Variants in FOCAD observed in about 807,000 individuals in gnomAD.
FOCAD encodes the protein KIAA1797.
A neutral mutation model predicts 225.6 loss-of-function variants in FOCAD; 198 were observed. That is an observed-to-expected ratio of 0.88 (90% CI 0.78 to 0.99). The LOEUF is 0.99. Among genes scored for constraint, FOCAD ranks in the 50% least tolerant of loss-of-function variants. The pLI is 0.00. For missense variants in FOCAD, 2,713 were observed against 2,123.6 expected (o/e 1.28, Z -5.46); for synonymous variants, 897 against 755.0 (o/e 1.19, Z -3.08).
upstream of FOCAD, among the ~76,000 whole-genome samples, chr9:20,656,177 G>T (rs1230297920): frequency 2.0e-5 from 3 of 149,852 alleles, no homozygotes; most frequent in Admixed American, 6.6e-5. Context: ...TACATTTGCT[G>T]AGGAGAGCTT....
intron 15 of FOCAD, among the ~76,000 whole-genome samples, chr9:20,831,669 G>A (rs947411168): frequency 3.9e-5 from 6 of 151,992 alleles, no homozygotes; most frequent in African/African-American, 1.4e-4. Flanking sequence ...TAGCTCACCT[G>A]TATGTTTCTT....
chr9:20,990,060 G>T, intron 41 of FOCAD, 63 bp from the exon 42 acceptor site: 5 of 1,594,952 alleles, frequency 3.1e-6, no homozygotes, highest in Non-Finnish European at 4.3e-6. Flanking sequence ...CTGTGTATGT[G>T]AACATGTGTT....
intron 26 of FOCAD, 151 bp from the exon 27 acceptor site, chr9:20,929,207 A>C: frequency 1.0e-5 from 6 of 594,492 alleles, no homozygotes; most frequent in Non-Finnish European, 1.2e-5. Context: ...TCTATAGACA[A>C]AAACGTTTGG....
chr9:20,909,019 A>G (rs1004081791), intron 22 of FOCAD, among the ~76,000 whole-genome samples: 4 of 152,010 alleles, frequency 2.6e-5, no homozygotes, highest in Non-Finnish European at 1.5e-5. Flanking sequence ...GCACCTGGAG[A>G]AAGGGATGAA....
In FOCAD at chr9:20,816,346, C is replaced by G. The variant is rs1462924555; in HGVS notation, c.1456-3450C>G. Among the ~76,000 whole-genome samples the G allele has an allele frequency of 3.9e-5, 6 of 152,218 alleles. 1 individual carries two copies. In the East Asian group the frequency reaches 5.8e-4, roughly 15 times the overall value. ...GATAATGCGTTGAGATCACTGTAAG[C>G]CAATTTAAGATAACCTTCTGTTTTT... On this transcript the variant is annotated intron_variant, in intron 11 of 43. Transcript: ENST00000338382.
At chr9:20,990,484 C>T (rs1308159784) in intron 42 of FOCAD, 110 bp downstream of exon 42, 2 of 1,310,866 alleles carry the variant, frequency 1.5e-6, no homozygotes, top group Non-Finnish European at 2.1e-6. Context: ...ACACCACAGA[C>T]TTTCCTACCC....
intron 41 of FOCAD, among the ~76,000 whole-genome samples, chr9:20,989,866 T>G (rs1038594499): frequency 2.0e-5 from 3 of 152,194 alleles, no homozygotes; most frequent in African/African-American, 7.2e-5. Context: ...GCGATAATAA[T>G]GAAACTGTTG....
At chr9:20,696,167 C>A (rs1823352931) in intron 1 of FOCAD, among the ~76,000 whole-genome samples, 1 of 152,220 alleles carries the variant, frequency 6.6e-6, no homozygotes, top group South Asian at 2.1e-4. Context: ...CATGTCTAAT[C>A]CATTAGCAAA....
intron 21 of FOCAD, 94 bp downstream of exon 21, chr9:20,885,324 A>G (rs1177448435): frequency 2.4e-6 from 3 of 1,247,278 alleles, no homozygotes; most frequent in Non-Finnish European, 3.1e-6. Flanking sequence ...TTTTTTGATC[A>G]TAATTAATGT....
At chr9:20,760,412 C>T (rs995706484) in intron 6 of FOCAD, among the ~76,000 whole-genome samples, 1 of 152,200 alleles carries the variant, frequency 6.6e-6, no homozygotes, top group African/African-American at 2.4e-5. Flanking sequence ...GATGCAGTTC[C>T]AATCTATCTC....
chr9:20,795,723 A>G (rs200471338), intron 11 of FOCAD, among the ~76,000 whole-genome samples: 3 of 143,642 alleles, frequency 2.1e-5, no homozygotes, highest in African/African-American at 7.8e-5. Flanking sequence ...GGCAGAGCTT[A>G]CAGTGAGCTG....
At chr9:20,701,099 C>T (rs912165150) in intron 1 of FOCAD, among the ~76,000 whole-genome samples, 1 of 152,174 alleles carries the variant, frequency 6.6e-6, no homozygotes, top group Non-Finnish European at 1.5e-5. Flanking sequence ...CTGGAAGGGA[C>T]ATTAGAGACT....
At chr9:20,675,756 C>T (rs899225758) in intron 2 of FOCAD, among the ~76,000 whole-genome samples, 1 of 152,152 alleles carries the variant, frequency 6.6e-6, no homozygotes, top group Non-Finnish European at 1.5e-5. Context: ...ATTAACCTTT[C>T]AGTGAGATCT....
chr9:20,790,752 C>G (rs889311300), intron 11 of FOCAD, among the ~76,000 whole-genome samples: 1 of 152,126 alleles, frequency 6.6e-6, no homozygotes, highest in African/African-American at 2.4e-5. Context: ...GCCTGGGACT[C>G]TGTCTCAAAA....
chr9:20,912,024 C>T (rs1833479463), intron 22 of FOCAD, among the ~76,000 whole-genome samples: 1 of 152,004 alleles, frequency 6.6e-6, no homozygotes, highest in African/African-American at 2.4e-5. Context: ...AAATTAAAAG[C>T]CTGACAATTC....
At chr9:20,993,193 CTG>C (rs1841811410) in intron 42 of FOCAD, 58 bp from the exon 43 acceptor site, 9 of 1,382,588 alleles carry the variant, frequency 6.5e-6, no homozygotes, top group African/African-American at 1.4e-5. Flanking sequence ...AAGGGAATAA[CTG>C]TTCTTTTGCT....
chr9:20,982,427 G>A lies in FOCAD; in HGVS notation c.4709G>A (p.Arg1570Gln), dbSNP rs750067269. ...LLEMTDDDAN[R>Q]IAQVTKSNIE... ...GAAATGACAGATGATGATGCCAATCGGATCGCCCAGGTTACTAAGGTAATA... is the reference window on the plus strand; with the variant it reads ...GAAATGACAGATGATGATGCCAATCAGATCGCCCAGGTTACTAAGGTAATA... The change falls in exon 39 of 44, where the codon CGG (arginine) becomes CAG (glutamine). Residue 1570 changes from arginine (R) to glutamine (Q), a missense_variant. By Grantham distance (43) the Arg-to-Gln change is conservative. Coordinates refer to ENST00000338382, the MANE Select transcript of FOCAD (RefSeq NM_001375567.1). 7.4e-6 allele frequency: 12 copies of A among 1,613,342 alleles called. No homozygotes were observed. Among genetic ancestry groups the A allele is most frequent in the East Asian group, 6.7e-5 (3 of 44,844 alleles).
intron 18 of FOCAD, among the ~76,000 whole-genome samples, chr9:20,869,406 T>C (rs1293379054): frequency 6.6e-6 from 1 of 152,168 alleles, no homozygotes; most frequent in Middle Eastern, 3.2e-3. Flanking sequence ...TTCAGCTACT[T>C]TTTAAAGTAC....
intron 2 of FOCAD, among the ~76,000 whole-genome samples, chr9:20,664,610 T>TTCTTTTCTTC (rs1412184330): frequency 1.4e-5 from 2 of 144,418 alleles, no homozygotes; most frequent in East Asian, 3.9e-4. Context: ...CCAGAGTGAT[T>TTCTTTTCTTC]TCTTTTCTTT....
Sources: allele counts gnomAD v4.1 joint callset (sites outside exome capture counted in the v4.1 genomes callset), GRCh38; gene constraint gnomAD v4.1.1; transcripts MANE v1.5; gene names NCBI Gene and HGNC (gene_info 2026-07-23, HGNC 2026-07-21).